The following RLF variants were observed in gnomAD, a reference collection of about 807,000 sequenced individuals.
RLF encodes zinc finger protein Rlf.
In RLF, 7 loss-of-function variants were observed where a neutral mutation model predicts 162.9. The observed-to-expected ratio is 0.04, with a 90% CI of 0.02 to 0.08. RLF has a LOEUF of 0.08. RLF is among the 10% of genes least tolerant of loss of function. The pLI is 1.00. For missense variants in RLF, 1,664 were observed against 2,244.7 expected, an observed-to-expected ratio of 0.74 and a Z score of 5.23; for synonymous variants, 782 against 791.5, an observed-to-expected ratio of 0.99 and a Z score of 0.20.
chr1:40,217,233 A>C (rs1209447358), intron 5 of RLF, among the ~76,000 whole-genome samples: 2 of 152,150 alleles, frequency 1.3e-5, no homozygotes, highest in Admixed American at 6.5e-5. Flanking sequence ...TGGGAGGCTT[A>C]GGTTGGGGGA....
chr1:40,166,387 C>T (rs1386360976), intron 1 of RLF, among the ~76,000 whole-genome samples: 3 of 151,944 alleles, frequency 2.0e-5, no homozygotes, highest in Non-Finnish European at 4.4e-5. Context: ...AACACTTTTA[C>T]ACTGTTGGTG....
intron 5 of RLF, among the ~76,000 whole-genome samples, chr1:40,214,264 G>A (rs567187255): frequency 6.6e-6 from 1 of 152,278 alleles, no homozygotes; most frequent in South Asian, 2.1e-4. Context: ...GTGAGATTTA[G>A]AGGTCTGAGC....
chr1:40,198,477 T>C (rs1400243010), intron 4 of RLF, among the ~76,000 whole-genome samples: 1 of 151,968 alleles, frequency 6.6e-6, no homozygotes, highest in Non-Finnish European at 1.5e-5. Context: ...GCTAATTTTT[T>C]ATATTTAGAA....
Position 40,161,927 on chromosome 1 carries a change from G to A in RLF, c.237+291G>A, listed in dbSNP as rs1372075380. Among the ~76,000 whole-genome samples the A allele has an allele frequency of 6.6e-6, 1 of 152,192 alleles. No homozygotes were observed. The highest frequency in any genetic ancestry group is 2.4e-5 in the African/African-American group (1 of 41,448). ...TGTCGCCGTTGCCTGTGTCCTGGCC[G>A]GGTGGTTGGAGCGCCACTGCCCCCT... On this transcript the variant is annotated intron_variant, in intron 1 of 7. Transcript: ENST00000372771. The surrounding 1 kb of genome is among the most constrained non-coding windows in gnomAD (Gnocchi z 4.4).
intron 5 of RLF, among the ~76,000 whole-genome samples, chr1:40,204,568 G>A (rs1396544425): frequency 2.0e-5 from 3 of 151,788 alleles, no homozygotes; most frequent in South Asian, 2.1e-4. Context: ...CACCATTCCC[G>A]ATTAATTTAT....
Position 40,236,760 on chromosome 1 carries a change from A to G in RLF, c.2058A>G (p.Lys686=), listed in dbSNP as rs1296922850. The G allele has an allele frequency of 1.2e-6, 2 of 1,614,138 alleles. No individual in the cohort carries two copies. Among genetic ancestry groups the G allele is most frequent in the Non-Finnish European group, 1.7e-6 (2 of 1,179,996 alleles). Residue 686 remains lysine (K), a synonymous_variant, in exon 8 of 8, where the codon AAA becomes AAG. Coordinates refer to ENST00000372771, the MANE Select transcript of RLF (RefSeq NM_012421.4). The surrounding 1 kb of genome is among the most constrained non-coding windows in gnomAD (Gnocchi z 7.7). ...TDCSRVFKQF[K]YLSVHLKAEH... Reference sequence around the variant, plus strand: ...GTTCCCGTGTGTTTAAGCAATTTAAATACTTAAGTGTGCATCTTAAAGCTG... The same window carrying G: ...GTTCCCGTGTGTTTAAGCAATTTAAGTACTTAAGTGTGCATCTTAAAGCTG...
intron 5 of RLF, among the ~76,000 whole-genome samples, chr1:40,203,159 G>A (rs2124543156): frequency 7.1e-6 from 1 of 140,188 alleles, no homozygotes; most frequent in South Asian, 2.3e-4. Flanking sequence ...CTGTCACCCA[G>A]GCAGGAGTGC....
intron 5 of RLF, among the ~76,000 whole-genome samples, chr1:40,215,795 T>C (rs1642917511): frequency 6.6e-6 from 1 of 151,990 alleles, no homozygotes; most frequent in South Asian, 2.1e-4. Context: ...CCAATATTTA[T>C]GGAGGGAAAT....
At chr1:40,196,116 C>A (rs1161643959) in intron 4 of RLF, among the ~76,000 whole-genome samples, 3 of 151,820 alleles carry the variant, frequency 2.0e-5, no homozygotes, top group East Asian at 1.9e-4. Context: ...CGCTCTGTCA[C>A]CCAGGCTGGA....
At chr1:40,196,182 T>G (rs997386868) in intron 4 of RLF, among the ~76,000 whole-genome samples, 1 of 151,942 alleles carries the variant, frequency 6.6e-6, no homozygotes, top group Non-Finnish European at 1.5e-5. Context: ...TTGAAGCGAT[T>G]CTGCCTCAGC....
At chr1:40,198,796 T>C (rs2124540455) in intron 4 of RLF, among the ~76,000 whole-genome samples, 1 of 152,296 alleles carries the variant, frequency 6.6e-6, no homozygotes, top group East Asian at 1.9e-4. Flanking sequence ...AAATTTTGTA[T>C]TGAAATGTTT....
chr1:40,203,243 T>C (rs1642743804), intron 5 of RLF, among the ~76,000 whole-genome samples: 1 of 151,108 alleles, frequency 6.6e-6, no homozygotes, highest in East Asian at 2.0e-4. Context: ...GCCTCCCAAG[T>C]AGCTGGGACT....
intron 1 of RLF, chr1:40,177,843 G>T (rs1010590708): frequency 1.3e-5 from 2 of 151,986 alleles, no homozygotes; most frequent in African/African-American, 4.8e-5. Flanking sequence ...AAAATCACTC[G>T]TGCTTGCTTC....
At position 40,161,718 on chromosome 1, in the gene RLF, G is replaced by T; in HGVS notation, c.237+82G>T. 6.5e-7 allele frequency: 1 copy of T among 1,536,866 alleles called. No individual in the cohort carries two copies. Among genetic ancestry groups the T allele is most frequent in the Non-Finnish European group, 8.7e-7 (1 of 1,153,506 alleles). ...CCCTGGATCCTCTGTAAGCAGCCGG[G>T]TCCAAACTGAAAGGCGCCACCTCCG... On this transcript the variant is annotated intron_variant, in intron 1 of 7. Coordinates refer to ENST00000372771, the MANE Select transcript of RLF (RefSeq NM_012421.4). The surrounding 1 kb of genome is among the most constrained non-coding windows in gnomAD (Gnocchi z 4.4).
At chr1:40,218,752 T>C (rs1642957169) in intron 5 of RLF, among the ~76,000 whole-genome samples, 1 of 152,220 alleles carries the variant, frequency 6.6e-6, no homozygotes, top group African/African-American at 2.4e-5. Context: ...CTTATAGTTA[T>C]TTTTCATTCT....
chr1:40,167,353 A>G (rs1246131274), intron 1 of RLF, among the ~76,000 whole-genome samples: 1 of 152,260 alleles, frequency 6.6e-6, no homozygotes, highest in Non-Finnish European at 1.5e-5. Context: ...CGATATCTAA[A>G]TAGAAACTAC....
chr1:40,174,669 C>T (rs867696510), intron 1 of RLF, among the ~76,000 whole-genome samples: 2 of 151,964 alleles, frequency 1.3e-5, no homozygotes, highest in Admixed American at 6.6e-5. Context: ...AAAACAGACA[C>T]AGAAATACAT....
At chr1:40,199,207 C>T (rs1642677410) in intron 4 of RLF, among the ~76,000 whole-genome samples, 1 of 152,146 alleles carries the variant, frequency 6.6e-6, no homozygotes, top group Non-Finnish European at 1.5e-5. Context: ...AGAGTGATGA[C>T]CCTTCAGTTG....
At chr1:40,163,188 T>G (rs866742289) in intron 1 of RLF, among the ~76,000 whole-genome samples, 1 of 152,214 alleles carries the variant, frequency 6.6e-6, no homozygotes, top group Non-Finnish European at 1.5e-5. Flanking sequence ...GAGGCCACTT[T>G]AGTTAGTAAG....
Sources: allele counts gnomAD v4.1 joint callset (sites outside exome capture counted in the v4.1 genomes callset), GRCh38; gene constraint gnomAD v4.1.1; non-coding constraint Gnocchi (gnomAD v3.1); transcripts MANE v1.5; gene names NCBI Gene and HGNC (gene_info 2026-07-23, HGNC 2026-07-21).